Variants in SYN2 observed in about 807,000 individuals in gnomAD.
The protein encoded by SYN2 is synapsin II, also known as synapsin-2.
A neutral mutation model predicts 50.9 loss-of-function variants in SYN2; 19 were observed. The observed-to-expected ratio is 0.37, with a 90% confidence interval of 0.26 to 0.55. The LOEUF (loss-of-function observed/expected upper bound fraction) is 0.55, where lower values mean the gene tolerates loss of function less well. SYN2 is among the 20% of genes least tolerant of loss of function. SYN2 has a pLI of 0.81. For missense variants in SYN2, 587 were observed against 576.4 expected (o/e 1.02, Z -0.19); for synonymous variants, 255 against 224.9 (o/e 1.13, Z -1.20).
At chr3:12,114,044 A>G (rs1696379680) in intron 1 of SYN2, among the ~76,000 whole-genome samples, 1 of 150,062 alleles carries the variant, frequency 6.7e-6, no homozygotes, top group African/African-American at 2.5e-5. Flanking sequence ...TTATATTCCC[A>G]CCAAGAGTGT....
Position 12,183,252 on chromosome 3 carries a change from T to G in SYN2, c.1309-60T>G, listed in dbSNP as rs1388035399. 3 of 1,562,624 alleles carry G rather than the reference T, an allele frequency of 1.9e-6. No individual in the cohort carries two copies. In the East Asian group the frequency reaches 6.9e-5, roughly 36 times the overall value. On this transcript the variant is annotated intron_variant, in intron 10 of 12. Transcript: ENST00000621198. ...GGCCTTGCCATGGAGCCACGTGGTT[T>G]CTCTTTGGAATTCAGTGGCTTGGAG... is the stretch of plus-strand genomic sequence containing the variant.
chr3:12,158,712 G>A (rs1013109697), intron 5 of SYN2: 2 of 1,610,318 alleles, frequency 1.2e-6, no homozygotes, highest in Non-Finnish European at 1.7e-6. Flanking sequence ...CAAGTGCCGA[G>A]TGGCAGATGT....
At chr3:12,070,166 G>A (rs551816488) in intron 1 of SYN2, 25 of 323,384 alleles carry the variant, frequency 7.7e-5, no homozygotes, top group East Asian at 3.1e-4. Flanking sequence ...AGTCGCTGCC[G>A]CCAGCCCGTG....
At chr3:12,006,961 T>C (rs1002769706) in intron 1 of SYN2, among the ~76,000 whole-genome samples, 34 of 152,362 alleles carry the variant, frequency 2.2e-4, no homozygotes, top group Middle Eastern at 6.8e-3. Context: ...AATTTGACCC[T>C]TCTGTACCTT....
chr3:12,167,370 A>G, intron 8 of SYN2, 62 bp downstream of exon 8: 3 of 1,519,580 alleles, frequency 2.0e-6, no homozygotes, highest in Non-Finnish European at 2.7e-6. Flanking sequence ...TTAGATGAAG[A>G]AGTTTAGGAA....
chr3:12,073,522 T>C (rs1695407818), intron 1 of SYN2, among the ~76,000 whole-genome samples: 1 of 152,210 alleles, frequency 6.6e-6, no homozygotes. Flanking sequence ...TGCAATTTCT[T>C]CTTCCATTCT....
chr3:12,142,176 C>T (rs1173522946), intron 3 of SYN2, among the ~76,000 whole-genome samples, 180 bp downstream of exon 3: 4 of 152,176 alleles, frequency 2.6e-5, no homozygotes, highest in Non-Finnish European at 4.4e-5. Flanking sequence ...GCCAGCTTCT[C>T]GCTGAGCTTA....
At position 12,158,967 on chromosome 3, in the gene SYN2, C is replaced by T. The variant is rs1697554740; in HGVS notation, c.775-2579C>T. ...GAGGTGGCCCTAAGGGCCAATCCCG[C>T]CCCGACGGGCTCCGCCTTCCTTTGG... On this transcript the variant is annotated intron_variant, in intron 5 of 12. Transcript: ENST00000621198. 3.7e-6 allele frequency: 5 copies of T among 1,342,014 alleles called. No homozygotes were observed. In the African/African-American group the frequency reaches 6.1e-5, roughly 16 times the overall value. The allele number at this position is 1,342,014 out of a possible 1,614,324, so 83.1% of individuals were successfully genotyped here.
chr3:12,062,673 G>A (rs1396093349), intron 1 of SYN2, among the ~76,000 whole-genome samples: 1 of 151,942 alleles, frequency 6.6e-6, no homozygotes, highest in Non-Finnish European at 1.5e-5. Context: ...AGACAGTTTG[G>A]CAGTTTCTTA....
At chr3:12,093,746 T>C (rs1695875181) in intron 1 of SYN2, among the ~76,000 whole-genome samples, 1 of 152,202 alleles carries the variant, frequency 6.6e-6, no homozygotes, top group Admixed American at 6.5e-5. Context: ...TTTGCTGATA[T>C]CCTTACTCTA....
chr3:12,102,937 G>C (rs1419709790), intron 1 of SYN2, among the ~76,000 whole-genome samples: 2 of 152,098 alleles, frequency 1.3e-5, no homozygotes, highest in Non-Finnish European at 2.9e-5. Flanking sequence ...CCAAAGTGAT[G>C]AGATAAAATA....
chr3:12,132,009 CCTTT>C (rs1465770501), intron 1 of SYN2, among the ~76,000 whole-genome samples: 4 of 150,060 alleles, frequency 2.7e-5, no homozygotes, highest in African/African-American at 4.9e-5. Context: ...TCTTTTTTTT[CCTTT>C]CTTTTCTTTT....
intron 5 of SYN2, among the ~76,000 whole-genome samples, chr3:12,157,987 T>C (rs1038297639): frequency 1.3e-5 from 2 of 152,212 alleles, no homozygotes; most frequent in Non-Finnish European, 2.9e-5. Flanking sequence ...TTGATGATGT[T>C]CTTCCTCTGT....
chr3:12,057,492 G>T (rs948528521), intron 1 of SYN2, among the ~76,000 whole-genome samples: 3 of 152,078 alleles, frequency 2.0e-5, no homozygotes, highest in Non-Finnish European at 4.4e-5. Context: ...TTTATTTTCA[G>T]TCCTCTTATG....
intron 1 of SYN2, among the ~76,000 whole-genome samples, chr3:12,073,175 G>T (rs549526583): frequency 9.9e-5 from 15 of 152,216 alleles, no homozygotes; most frequent in African/African-American, 3.6e-4. Flanking sequence ...CATGTTTTCA[G>T]TAAAGCATCT....
chr3:12,170,005 C>A (rs1178561122), intron 10 of SYN2, 99 bp downstream of exon 10: 2 of 1,404,088 alleles, frequency 1.4e-6, no homozygotes, highest in Non-Finnish European at 1.9e-6. Flanking sequence ...GCCAGATGCC[C>A]ACAGGCCTAA....
At chr3:12,144,906 C>A (rs756906643) in intron 3 of SYN2, among the ~76,000 whole-genome samples, 5 of 152,110 alleles carry the variant, frequency 3.3e-5, no homozygotes, top group Non-Finnish European at 7.4e-5. Flanking sequence ...TGGTGTGTGC[C>A]TGTAATTCCA....
chr3:12,132,167 C>A (rs1696810591), intron 1 of SYN2, among the ~76,000 whole-genome samples: 1 of 151,880 alleles, frequency 6.6e-6, no homozygotes, highest in Non-Finnish European at 1.5e-5. Context: ...CCATAGCACT[C>A]AGCTGTCCTC....
chr3:12,131,940 C>T (rs1170308969), intron 1 of SYN2, among the ~76,000 whole-genome samples: 1 of 152,014 alleles, frequency 6.6e-6, no homozygotes. Flanking sequence ...GTCTTCAAGC[C>T]TAGGACTCTG....
Sources: gnomAD v4.1 joint callset for allele counts (sites outside exome capture counted in the v4.1 genomes callset) on GRCh38, gnomAD v4.1.1 for gene constraint, MANE v1.5 for transcripts, NCBI Gene and HGNC (gene_info 2026-07-23, HGNC 2026-07-21) for gene names.